Variants in CLSTN2 observed in about 807,000 individuals in gnomAD.
CLSTN2 encodes the protein calsyntenin 2.
Under a neutral mutation model 101.2 loss-of-function variants are expected in CLSTN2, and 48 were observed. The observed-to-expected ratio is 0.47, with a 90% CI of 0.38 to 0.60. The LOEUF (loss-of-function observed/expected upper bound fraction) is 0.60. CLSTN2 is among the 20% of genes least tolerant of loss of function. The pLI, the probability that CLSTN2 is intolerant of heterozygous loss-of-function variation, is 0.00. For synonymous variants in CLSTN2, 481 were observed against 463.6 expected (o/e 1.04, Z -0.48); for missense variants, 1,160 against 1,238.2 (o/e 0.94, Z 0.95).
At chr3:140,285,955 A>G (rs1421846004) in intron 2 of CLSTN2, among the ~76,000 whole-genome samples, 5 of 152,146 alleles carry the variant, frequency 3.3e-5, no homozygotes, top group African/African-American at 1.2e-4. Flanking sequence ...ACTTTTCGAA[A>G]TGGAAAGTTC....
rs1935701322 is a variant in CLSTN2, at chr3:139,971,422, C to T, written c.109+35939C>T. Reference sequence around the variant, plus strand: ...ATTGAGTGTTCCTCGGTGCCAGGCCCTGGGCTTGAGGCTGGAGATACACAA... The same window carrying T: ...ATTGAGTGTTCCTCGGTGCCAGGCCTTGGGCTTGAGGCTGGAGATACACAA... On this transcript the variant is annotated intron_variant, in intron 1 of 16. Coordinates refer to ENST00000458420, the MANE Select transcript of CLSTN2 (RefSeq NM_022131.3). Among the ~76,000 whole-genome samples the T allele has an allele frequency of 3.9e-5, 6 of 152,202 alleles. No individual in the cohort carries two copies. The South Asian group carries it at 1.2e-3, about 31-fold the overall frequency.
chr3:140,063,413 G>A (rs562442517), intron 1 of CLSTN2, among the ~76,000 whole-genome samples: 1 of 152,108 alleles, frequency 6.6e-6, no homozygotes, highest in African/African-American at 2.4e-5. Flanking sequence ...AATGATAAAA[G>A]GGGAGAGGAG....
At chr3:140,016,226 G>C (rs753981896) in intron 1 of CLSTN2, among the ~76,000 whole-genome samples, 1 of 152,216 alleles carries the variant, frequency 6.6e-6, no homozygotes, top group African/African-American at 2.4e-5. Flanking sequence ...AAGAAATGAG[G>C]AGAGCTGAGA....
At chr3:140,309,480 G>C (rs112637108) in intron 2 of CLSTN2, among the ~76,000 whole-genome samples, 5 of 152,184 alleles carry the variant, frequency 3.3e-5, no homozygotes, top group African/African-American at 1.2e-4. Context: ...GCTTCTGGGA[G>C]TGTAGGAGTG....
At chr3:140,397,012 T>C (rs1302498857) in intron 2 of CLSTN2, among the ~76,000 whole-genome samples, 1 of 152,170 alleles carries the variant, frequency 6.6e-6, no homozygotes, top group Non-Finnish European at 1.5e-5. Context: ...ATATTTACTA[T>C]ATCAAAAATT....
chr3:139,944,892 C>T (rs988175163), intron 1 of CLSTN2, among the ~76,000 whole-genome samples: 3 of 152,202 alleles, frequency 2.0e-5, no homozygotes, highest in Admixed American at 2.0e-4. Flanking sequence ...TCCGCACATG[C>T]GTCAAGAGAA....
chr3:140,188,571 G>A (rs1007737626), intron 2 of CLSTN2, among the ~76,000 whole-genome samples: 1 of 152,296 alleles, frequency 6.6e-6, no homozygotes, highest in Admixed American at 6.5e-5. Flanking sequence ...AGGTAGCCCA[G>A]TGAAGGAAGA....
rs574092814 is a variant in CLSTN2, at chr3:140,362,992, G to T, written c.233-40637G>T. Among the ~76,000 whole-genome samples the T allele has an allele frequency of 3.0e-4, 45 of 151,798 alleles. No homozygotes were observed. In the South Asian group the frequency reaches 8.8e-3, roughly 30 times the overall value. Reference sequence around the variant, plus strand: ...ATTTCATTCCTGGGCATCATCTAAGGATATGAAAAATACATGTCTACATAC... The same window carrying T: ...ATTTCATTCCTGGGCATCATCTAAGTATATGAAAAATACATGTCTACATAC... On this transcript the variant is annotated intron_variant, in intron 2 of 16. Transcript: ENST00000458420.
At chr3:140,058,384 G>C (rs1310661094) in intron 1 of CLSTN2, among the ~76,000 whole-genome samples, 3 of 152,136 alleles carry the variant, frequency 2.0e-5, no homozygotes, top group African/African-American at 7.2e-5. Context: ...GATGGAGGAA[G>C]CATCATGGAT....
intron 1 of CLSTN2, among the ~76,000 whole-genome samples, chr3:139,995,739 CA>C (rs139835039): frequency 0.041 from 6,292 of 152,204 alleles, 393 homozygotes; most frequent in East Asian, 0.33. Context: ...CATCTGTGCT[CA>C]GGGGTAAAGG....
chr3:140,457,801 C>T (rs1933442132), intron 6 of CLSTN2, among the ~76,000 whole-genome samples: 1 of 152,144 alleles, frequency 6.6e-6, no homozygotes, highest in African/African-American at 2.4e-5. Context: ...CAGTAACAGA[C>T]AAAATCTCTA....
chr3:140,089,933 C>T (rs1345330981), intron 1 of CLSTN2, among the ~76,000 whole-genome samples: 1 of 142,058 alleles, frequency 7.0e-6, no homozygotes, highest in African/African-American at 2.6e-5. Context: ...AGAGAAAAAA[C>T]CTGAGAGGGG....
rs558452567 is a variant in CLSTN2 at position 140,353,647 on chromosome 3, T to A, written c.233-49982T>A. Among the ~76,000 whole-genome samples, 4 of 152,274 alleles carry A rather than the reference T, an allele frequency of 2.6e-5. No individual in the cohort carries two copies. In the East Asian group the frequency reaches 7.7e-4, roughly 29 times the overall value. ...TACTCAGTATTAACCATCACACCAA[T>A]GAGGTCCTAGAATCAATTCCCATGG... On this transcript the variant is annotated intron_variant, in intron 2 of 16. Coordinates refer to ENST00000458420, the MANE Select transcript of CLSTN2 (RefSeq NM_022131.3).
At chr3:140,273,240 T>C (rs1273178727) in intron 2 of CLSTN2, among the ~76,000 whole-genome samples, 1 of 151,956 alleles carries the variant, frequency 6.6e-6, no homozygotes, top group Non-Finnish European at 1.5e-5. Context: ...AGGGAGAGCA[T>C]TAGGACAAAT....
chr3:140,520,537 G>T (rs1203176729), intron 8 of CLSTN2, among the ~76,000 whole-genome samples: 1 of 152,184 alleles, frequency 6.6e-6, no homozygotes, highest in African/African-American at 2.4e-5. Context: ...ACAGCCCCCT[G>T]ATCCAATTAC....
chr3:139,963,884 G>A (rs940682676), intron 1 of CLSTN2, among the ~76,000 whole-genome samples: 4 of 152,196 alleles, frequency 2.6e-5, no homozygotes, highest in Non-Finnish European at 5.9e-5. Context: ...CACATAGTAG[G>A]AGCATAGCCT....
chr3:140,461,471 G>A (rs1454244675), intron 7 of CLSTN2: 2 of 152,132 alleles, frequency 1.3e-5, no homozygotes, highest in African/African-American at 2.4e-5. Context: ...TCCCCAGGGA[G>A]GTAAGTCAGA....
intron 1 of CLSTN2, among the ~76,000 whole-genome samples, chr3:139,974,378 T>C (rs1935774371): frequency 6.6e-6 from 1 of 152,174 alleles, no homozygotes; most frequent in Non-Finnish European, 1.5e-5. Context: ...TCTGTACTCC[T>C]GCCCACATCT....
At chr3:140,525,257 A>T (rs1012775989) in intron 8 of CLSTN2, among the ~76,000 whole-genome samples, 1 of 152,210 alleles carries the variant, frequency 6.6e-6, no homozygotes, top group Non-Finnish European at 1.5e-5. Context: ...AATGACAAAG[A>T]TGACATTACA....
Sources: allele counts gnomAD v4.1 joint callset (sites outside exome capture counted in the v4.1 genomes callset), GRCh38; gene constraint gnomAD v4.1.1; transcripts MANE v1.5; gene names NCBI Gene and HGNC (gene_info 2026-07-23, HGNC 2026-07-21).